The following MAGI2 variants were observed in gnomAD, a reference collection of about 807,000 sequenced individuals.
The protein encoded by MAGI2 is membrane associated guanylate kinase, WW and PDZ domain containing 2.
In MAGI2, 35 loss-of-function variants were observed where a neutral mutation model predicts 133.3. The observed-to-expected ratio is 0.26, with a 90% CI of 0.20 to 0.35. The LOEUF is 0.35. Ranked by LOEUF, MAGI2 falls within the 10% of genes least tolerant of loss-of-function variation. The pLI is 1.00. For missense variants in MAGI2, 1,636 were observed against 1,863.4 expected (o/e 0.88, Z 2.25); for synonymous variants, 729 against 710.6 (o/e 1.03, Z -0.41).
At chr7:79,003,676 A>G (rs1332598057) in intron 2 of MAGI2, among the ~76,000 whole-genome samples, 4 of 152,220 alleles carry the variant, frequency 2.6e-5, no homozygotes, top group African/African-American at 7.2e-5. Flanking sequence ...CACATCATGG[A>G]CACACTTCTA....
rs552295561 is a variant in MAGI2 at position 79,302,784 on chromosome 7, A to G, written c.301+150236T>C. Among the ~76,000 whole-genome samples, 299 of 152,330 alleles carry G rather than the reference A, an allele frequency of 2.0e-3. 1 individual carries two copies. Among genetic ancestry groups the G allele is most frequent in the African/African-American group, 7.0e-3 (293 of 41,588 alleles). ...AATAGTGCTTGACAATGGAAGCAGC[A>G]TGAGCTTATGATAAAAACATGGCTA... On this transcript the variant is annotated intron_variant, in intron 1 of 21. Coordinates refer to ENST00000354212, the MANE Select transcript of MAGI2 (RefSeq NM_012301.4).
At chr7:79,162,880 G>A (rs1253283622) in intron 1 of MAGI2, among the ~76,000 whole-genome samples, 4 of 152,102 alleles carry the variant, frequency 2.6e-5, no homozygotes, top group Admixed American at 2.0e-4. Context: ...TTGACTTTTG[G>A]TTTTGTTCAT....
At chr7:78,909,602 C>CAAAAAA (rs1237807866) in intron 2 of MAGI2, among the ~76,000 whole-genome samples, 7 of 42,146 alleles carry the variant, frequency 1.7e-4, no homozygotes, top group African/African-American at 4.1e-4. Flanking sequence ...GACTCCATCT[C>CAAAAAA]AAAAAAAAAA....
intron 1 of MAGI2, among the ~76,000 whole-genome samples, chr7:79,089,742 C>T (rs983248285): frequency 6.6e-6 from 1 of 151,646 alleles, no homozygotes; most frequent in Non-Finnish European, 1.5e-5. Flanking sequence ...AGCAAACGAA[C>T]ACAGAAAAAC....
intron 9 of MAGI2, among the ~76,000 whole-genome samples, chr7:78,292,580 C>T (rs1041872775): frequency 2.0e-5 from 3 of 152,174 alleles, no homozygotes; most frequent in African/African-American, 7.2e-5. Flanking sequence ...TTGGAAAAAA[C>T]TATTTTAAAG....
At chr7:78,558,436 T>C (rs1800048569) in intron 3 of MAGI2, among the ~76,000 whole-genome samples, 1 of 152,174 alleles carries the variant, frequency 6.6e-6, no homozygotes, top group Non-Finnish European at 1.5e-5. Context: ...AAAAAAGTAA[T>C]AATTTCTAAA....
Position 79,453,252 on chromosome 7 carries a change from G to T in MAGI2, c.69C>A (p.Asn23Lys), listed in dbSNP as rs771988703. 5.0e-6 allele frequency: 8 copies of T among 1,613,740 alleles called. No individual in the cohort carries two copies. The highest frequency in any genetic ancestry group is 1.3e-5 in the African/African-American group (1 of 74,938). ...GTTCAAAGCCCAGCTGGCCCTCCGG[G>T]TTCCTGCCAATGACACTCTCATGGA... The part of the protein sequence containing the change: ...SKVHESVIGR[N>K]PEGQLGFELK... The change falls in exon 1 of 22, where the codon AAC becomes AAA. Residue 23 changes from asparagine to lysine, a missense_variant. By Grantham distance (94) the Asn-to-Lys change is moderately conservative. Coordinates refer to ENST00000354212, the MANE Select transcript of MAGI2 (RefSeq NM_012301.4).
At chr7:78,523,056 G>A (rs564718032) in intron 3 of MAGI2, among the ~76,000 whole-genome samples, 1 of 152,290 alleles carries the variant, frequency 6.6e-6, no homozygotes, top group East Asian at 1.9e-4. Flanking sequence ...GAGGAAGGAA[G>A]CACACCTCAC....
intron 7 of MAGI2, among the ~76,000 whole-genome samples, chr7:78,366,334 T>C (rs895108269): frequency 6.6e-6 from 1 of 152,134 alleles, no homozygotes; most frequent in African/African-American, 2.4e-5. Flanking sequence ...TTATAATACA[T>C]ATACCGAAAA....
intron 2 of MAGI2, among the ~76,000 whole-genome samples, chr7:78,670,609 G>T (rs1288649080): frequency 2.0e-5 from 3 of 152,218 alleles, no homozygotes; most frequent in South Asian, 2.1e-4. Flanking sequence ...AGCCCGCATT[G>T]CCAAGTCAAT....
At chr7:78,957,792 G>A (rs1182760549) in intron 2 of MAGI2, among the ~76,000 whole-genome samples, 2 of 152,082 alleles carry the variant, frequency 1.3e-5, no homozygotes, top group Non-Finnish European at 2.9e-5. Flanking sequence ...GGCATTCCTA[G>A]AAACCCTGTT....
At chr7:78,398,336 CAACTT>C (rs777186257) in intron 6 of MAGI2, among the ~76,000 whole-genome samples, 13 of 152,222 alleles carry the variant, frequency 8.5e-5, no homozygotes, top group South Asian at 6.2e-4. Context: ...TTGCACCTCT[CAACTT>C]GACTTGACTC....
chr7:78,279,137 A>G (rs1309774722), intron 9 of MAGI2, among the ~76,000 whole-genome samples: 1 of 152,186 alleles, frequency 6.6e-6, no homozygotes, highest in Non-Finnish European at 1.5e-5. Context: ...TACTTGGTAC[A>G]GCACAAACAC....
At chr7:79,078,174 A>T (rs904509173) in intron 1 of MAGI2, among the ~76,000 whole-genome samples, 1 of 152,190 alleles carries the variant, frequency 6.6e-6, no homozygotes, top group Admixed American at 6.5e-5. Flanking sequence ...TCAGCCTTTC[A>T]TGTGAAGAGG....
chr7:78,656,903 C>G (rs987833799), intron 2 of MAGI2, among the ~76,000 whole-genome samples: 1 of 145,270 alleles, frequency 6.9e-6, no homozygotes, highest in Non-Finnish European at 1.5e-5. Flanking sequence ...AAAATATTGG[C>G]AAAAAGTGTA....
intron 6 of MAGI2, among the ~76,000 whole-genome samples, chr7:78,464,952 A>G (rs1392448571): frequency 6.6e-6 from 1 of 152,146 alleles, no homozygotes; most frequent in Admixed American, 6.6e-5. Flanking sequence ...TAAATTCAAT[A>G]ATACTATCAT....
chr7:78,087,945 CTG>C (rs1369038394), intron 20 of MAGI2, among the ~76,000 whole-genome samples: 1 of 152,192 alleles, frequency 6.6e-6, no homozygotes, highest in Non-Finnish European at 1.5e-5. Flanking sequence ...TGAAAAGAAA[CTG>C]GGGCAATATC....
intron 15 of MAGI2, among the ~76,000 whole-genome samples, chr7:78,166,321 C>T (rs1825619444): frequency 6.6e-6 from 1 of 152,144 alleles, no homozygotes; most frequent in Non-Finnish European, 1.5e-5. Flanking sequence ...TTTAATTTAT[C>T]TTTAGGTTAT....
intron 2 of MAGI2, among the ~76,000 whole-genome samples, chr7:78,978,424 GTACTC>G (rs1804485019): frequency 6.6e-6 from 1 of 151,836 alleles, no homozygotes; most frequent in South Asian, 2.1e-4. Flanking sequence ...AGAAAGCTAT[GTACTC>G]TACATGATTC....
Sources: allele counts gnomAD v4.1 joint callset (sites outside exome capture counted in the v4.1 genomes callset), GRCh38; gene constraint gnomAD v4.1.1; transcripts MANE v1.5; gene names NCBI Gene and HGNC (gene_info 2026-07-23, HGNC 2026-07-21).